The following MMRN1 variants were observed in gnomAD, a reference collection of about 807,000 sequenced individuals.
The protein encoded by MMRN1 is multimerin 1.
MMRN1 carries 94 observed loss-of-function variants against 100.7 expected under a neutral mutation model. That is an observed-to-expected ratio of 0.93 (90% CI 0.79 to 1.11). The LOEUF (loss-of-function observed/expected upper bound fraction) is 1.11, where lower values mean the gene tolerates loss of function less well. MMRN1 is among the 50% of genes least tolerant of loss of function. The pLI, the probability that MMRN1 is intolerant of heterozygous loss-of-function variation, is 0.00. For missense variants in MMRN1, 1,606 were observed against 1,439.1 expected, an observed-to-expected ratio of 1.12 and a Z score of -1.88; for synonymous variants, 575 against 505.0, an observed-to-expected ratio of 1.14 and a Z score of -1.86.
Position 89,895,090 on chromosome 4 carries a change from C to T in MMRN1, c.119C>T (p.Pro40Leu), listed in dbSNP as rs751349322. The T allele has an allele frequency of 5.6e-6, 9 of 1,613,886 alleles. No individual in the cohort carries two copies. Among genetic ancestry groups the T allele is most frequent in the East Asian group, 2.2e-5 (1 of 44,848 alleles). ...PEDGNSQKTMPSASVPPNKIQ... is the reference protein window; with the variant it reads ...PEDGNSQKTMLSASVPPNKIQ... ...GATGGGAACTCTCAGAAGACTATGC[C>T]TTCTGCTTCAGTTCCTCCAAATAAA... The change falls in exon 1 of 8, where the codon CCT becomes CTT. Residue 40 changes from proline to leucine, a missense_variant. Physicochemically the swap from Pro to Leu is moderately conservative, Grantham distance 98. Coordinates refer to ENST00000264790, the MANE Select transcript of MMRN1 (RefSeq NM_007351.3).
rs753863296 is a variant in MMRN1 at position 89,936,415 on chromosome 4, A to G, written c.2735A>G (p.His912Arg). 4 of 1,610,044 alleles carry G rather than the reference A, an allele frequency of 2.5e-6. No individual in the cohort carries two copies. Among genetic ancestry groups the G allele is most frequent in the Non-Finnish European group, 3.4e-6 (4 of 1,178,796 alleles). Residue 912 changes from histidine (H) to arginine (R), a missense_variant, in exon 6 of 8, where the codon CAT (histidine) becomes CGT (arginine). Transcript: ENST00000264790. ...AAGGCGTTGGAAGCAAAATCTATCCATCTTTCAATTAACTTCTTTTCGCTT... is the reference window on the plus strand; with the variant it reads ...AAGGCGTTGGAAGCAAAATCTATCCGTCTTTCAATTAACTTCTTTTCGCTT... Reference protein sequence around the residue: ...RFKALEAKSIHLSINFFSLNK... With the variant: ...RFKALEAKSIRLSINFFSLNK...
chr4:89,922,297 G>T (rs61160271), intron 3 of MMRN1, among the ~76,000 whole-genome samples: 16,579 of 151,914 alleles, frequency 0.11, 1,701 homozygotes, highest in East Asian at 0.3. Context: ...AGTAGAGACG[G>T]GCTTTCACTA....
upstream of MMRN1, among the ~76,000 whole-genome samples, chr4:89,891,926 T>C (rs1056872373): frequency 8.6e-5 from 13 of 152,038 alleles, no homozygotes; most frequent in Admixed American, 2.6e-4. Flanking sequence ...CTTGCAGCTA[T>C]AAAAATGCTT....
chr4:89,912,025 C>A lies in MMRN1; in HGVS notation c.825C>A (p.Tyr275Ter). 6.3e-7 allele frequency: 1 copy of A among 1,599,790 alleles called. No homozygotes were observed. Among genetic ancestry groups the A allele is most frequent in the Non-Finnish European group, 8.5e-7 (1 of 1,171,770 alleles). Reference sequence around the variant, plus strand: ...TGGATTGGAGGTGCTGTCCTGGATACAGTGGGCCGAAATGTCAACTAAGAG... The same window carrying A: ...TGGATTGGAGGTGCTGTCCTGGATAAAGTGGGCCGAAATGTCAACTAAGAG... The part of the protein sequence containing the change: ...TSLDWRCCPG[Y>*]SGPKCQLRAQ... The change falls in exon 3 of 8, where the codon TAC becomes TAA. Residue 275 changes from tyrosine to a stop codon, truncating the protein, a stop_gained. Transcript: ENST00000264790. LOFTEE classifies it high-confidence loss of function.
chr4:89,932,264 T>C (rs1379620088), intron 5 of MMRN1, among the ~76,000 whole-genome samples: 1 of 152,092 alleles, frequency 6.6e-6, no homozygotes. Context: ...AAGAGGTGGG[T>C]CCCCATGGTG....
At chr4:89,927,392 T>C (rs1357309533) in intron 4 of MMRN1, among the ~76,000 whole-genome samples, 1 of 152,140 alleles carries the variant, frequency 6.6e-6, no homozygotes, top group Non-Finnish European at 1.5e-5. Flanking sequence ...TAAATGAGAT[T>C]ACTTTTTTTT....
At chr4:89,889,830 C>T (rs1418549815) in intron 1 of MMRN1, among the ~76,000 whole-genome samples, 1 of 152,014 alleles carries the variant, frequency 6.6e-6, no homozygotes, top group Non-Finnish European at 1.5e-5. Context: ...TCTTCTTCTA[C>T]TTGCAACGAA....
At chr4:89,894,718 C>G (rs1012552087), upstream of MMRN1, 2 of 345,294 alleles carry the variant, frequency 5.8e-6, no homozygotes, top group African/African-American at 4.3e-5. Flanking sequence ...TCCCATTTAC[C>G]CTTAGCTTTG....
intron 1 of MMRN1, among the ~76,000 whole-genome samples, chr4:89,888,023 G>T (rs1299996577): frequency 6.6e-6 from 1 of 151,584 alleles, no homozygotes; most frequent in Non-Finnish European, 1.5e-5. Flanking sequence ...TATTCATTTT[G>T]TTCACATATT....
intron 1 of MMRN1, among the ~76,000 whole-genome samples, chr4:89,907,817 G>T (rs114009670): frequency 0.016 from 2,283 of 141,942 alleles, 35 homozygotes; most frequent in Middle Eastern, 0.065. Flanking sequence ...TCTATGTCAT[G>T]CCTGTTTTTT....
intron 4 of MMRN1, among the ~76,000 whole-genome samples, chr4:89,924,953 T>C (rs1462016315): frequency 6.6e-6 from 1 of 152,164 alleles, no homozygotes; most frequent in East Asian, 1.9e-4. Flanking sequence ...CAATGTGTAA[T>C]AATCACATAA....
Position 89,900,505 on chromosome 4 carries a change from C to T in MMRN1, c.623+4911C>T, listed in dbSNP as rs147450853. ...GTAAAGTTAACTATGCTCTCACTTG[C>T]CATTCCTTATTTTGTCACCTTTATT... On this transcript the variant is annotated intron_variant, in intron 1 of 7. Transcript: ENST00000264790. 3.9e-3 allele frequency among the ~76,000 whole-genome samples: 596 copies of T among 152,160 alleles called. 8 individuals carry two copies. Among genetic ancestry groups the T allele is most frequent in the African/African-American group, 0.014 (574 of 41,536 alleles).
intron 5 of MMRN1, among the ~76,000 whole-genome samples, chr4:89,934,218 A>T (rs139268197): frequency 1.1e-3 from 167 of 152,244 alleles, no homozygotes; most frequent in Non-Finnish European, 2.0e-3. Context: ...GGAAGACTTA[A>T]TTTTGAAATC....
rs1228925193 is a variant in MMRN1, at chr4:89,936,509, T to C, written c.2829T>C (p.Ala943=). 4 of 1,613,208 alleles carry C rather than the reference T, an allele frequency of 2.5e-6. No individual in the cohort carries two copies. Among genetic ancestry groups the C allele is most frequent in the Admixed American group, 1.7e-5 (1 of 59,930 alleles). The part of the protein sequence containing the change: ...NASTSVSELN[A]TIPKWIKHSL... ...CTACAAGTGTGTCAGAACTGAATGC[T>C]ACCATCCCTAAGTGGATAAAACATT... The change falls in exon 6 of 8, where the codon GCT becomes GCC. Residue 943 remains alanine (A), a synonymous_variant. Transcript: ENST00000264790.
chr4:89,909,646 T>C (rs1187866694), intron 2 of MMRN1, among the ~76,000 whole-genome samples: 3 of 151,528 alleles, frequency 2.0e-5, no homozygotes, highest in Non-Finnish European at 4.4e-5. Context: ...ATTCAATAAA[T>C]GTTAATTATC....
intron 6 of MMRN1, among the ~76,000 whole-genome samples, chr4:89,940,836 T>G (rs1722800553): frequency 6.6e-6 from 1 of 152,154 alleles, no homozygotes; most frequent in African/African-American, 2.4e-5. Flanking sequence ...GATATATAAT[T>G]ATTTCCATGC....
intron 6 of MMRN1, among the ~76,000 whole-genome samples, chr4:89,941,065 T>A (rs554896973): frequency 6.6e-6 from 1 of 152,300 alleles, no homozygotes; most frequent in East Asian, 1.9e-4. Context: ...CTCCAAGCGA[T>A]TTTCTACTAT....
At chr4:89,881,553 T>G (rs1395225821) in intron 1 of MMRN1, among the ~76,000 whole-genome samples, 2 of 152,090 alleles carry the variant, frequency 1.3e-5, no homozygotes, top group Non-Finnish European at 2.9e-5. Flanking sequence ...AAATGAAGGA[T>G]GATAGAATAT....
chr4:89,928,105 GAT>G, intron 5 of MMRN1, 137 bp downstream of exon 5: 1 of 596,984 alleles, frequency 1.7e-6, no homozygotes. Flanking sequence ...TTTTTAATGA[GAT>G]ATAAATTCAC....
Sources: allele counts gnomAD v4.1 joint callset (sites outside exome capture counted in the v4.1 genomes callset), GRCh38; gene constraint gnomAD v4.1.1; transcripts MANE v1.5; gene names NCBI Gene and HGNC (gene_info 2026-07-23, HGNC 2026-07-21).